Variants in TFDP2 observed in about 807,000 individuals in gnomAD.
The protein encoded by TFDP2 is transcription factor Dp-2, also known as transcription factor Dp-2 (E2F dimerization partner 2).
Under a neutral mutation model 59.3 loss-of-function variants are expected in TFDP2, and 17 were observed. That is an observed-to-expected ratio of 0.29 (90% CI 0.20 to 0.43). TFDP2 has a LOEUF of 0.43. Ranked by LOEUF, TFDP2 falls within the 20% of genes least tolerant of loss-of-function variation. The pLI, the probability that TFDP2 is intolerant of heterozygous loss-of-function variation, is 1.00. For synonymous variants in TFDP2, 180 were observed against 194.7 expected, an observed-to-expected ratio of 0.92 and a Z score of 0.63; for missense variants, 391 against 528.8, an observed-to-expected ratio of 0.74 and a Z score of 2.56.
At chr3:142,102,667 A>T (rs1225119093) in intron 1 of TFDP2, among the ~76,000 whole-genome samples, 1 of 152,242 alleles carries the variant, frequency 6.6e-6, no homozygotes, top group Non-Finnish European at 1.5e-5. Context: ...TAGTGAAAGA[A>T]ATATGGCATA....
At chr3:141,962,726 G>C (rs1026392004) in intron 10 of TFDP2, among the ~76,000 whole-genome samples, 1 of 152,202 alleles carries the variant, frequency 6.6e-6, no homozygotes, top group Non-Finnish European at 1.5e-5. Context: ...AACAGAGACC[G>C]GCAGGGGGCG....
chr3:142,115,131 T>G (rs1012232708), intron 1 of TFDP2, among the ~76,000 whole-genome samples: 1 of 152,132 alleles, frequency 6.6e-6, no homozygotes. Context: ...ACATTTATAT[T>G]TGTGTTCTTA....
intron 1 of TFDP2, among the ~76,000 whole-genome samples, chr3:142,125,652 G>C (rs1180195010): frequency 6.6e-6 from 1 of 152,160 alleles, no homozygotes; most frequent in African/African-American, 2.4e-5. Flanking sequence ...TATTGATATA[G>C]AGTGACCTCC....
At chr3:142,130,772 C>T (rs2062472034) in intron 1 of TFDP2, among the ~76,000 whole-genome samples, 1 of 151,968 alleles carries the variant, frequency 6.6e-6, no homozygotes, top group Non-Finnish European at 1.5e-5. Flanking sequence ...TTAAGATGGG[C>T]AGGGCGCGGT....
chr3:141,956,943 C>CG (rs545636049), intron 11 of TFDP2, among the ~76,000 whole-genome samples: 39 of 150,714 alleles, frequency 2.6e-4, no homozygotes, highest in South Asian at 2.6e-3. Flanking sequence ...CTGCCCCACC[C>CG]CCCCCACAAA....
At chr3:142,050,279 AT>A (rs201595395) in intron 3 of TFDP2, among the ~76,000 whole-genome samples, 1,756 of 146,364 alleles carry the variant, frequency 0.012, 39 homozygotes, top group African/African-American at 0.039. Flanking sequence ...AAAAAAAATA[AT>A]AAAAAAAAAA....
At chr3:142,044,897 T>A (rs1947251245) in intron 3 of TFDP2, among the ~76,000 whole-genome samples, 2 of 152,174 alleles carry the variant, frequency 1.3e-5, no homozygotes, top group South Asian at 4.1e-4. Flanking sequence ...AATTAGCTAA[T>A]TCATGAAGGC....
intron 3 of TFDP2, among the ~76,000 whole-genome samples, chr3:142,033,409 T>C (rs1038747294): frequency 1.3e-5 from 2 of 152,130 alleles, no homozygotes; most frequent in Admixed American, 6.5e-5. Context: ...CCAAATTTTT[T>C]TCAACATAGA....
At chr3:142,005,334 C>A in intron 4 of TFDP2, 107 bp downstream of exon 4, 1 of 898,400 alleles carries the variant, frequency 1.1e-6, no homozygotes. Flanking sequence ...CCACCTACCG[C>A]GCCTGGTTTA....
chr3:142,027,097 T>G (rs1045849001), intron 3 of TFDP2, among the ~76,000 whole-genome samples: 1 of 152,124 alleles, frequency 6.6e-6, no homozygotes, highest in Non-Finnish European at 1.5e-5. Context: ...CTCTATATTT[T>G]AGATGGCTTA....
intron 7 of TFDP2, among the ~76,000 whole-genome samples, chr3:141,975,829 G>T (rs1199441188): frequency 6.6e-6 from 1 of 152,032 alleles, no homozygotes; most frequent in African/African-American, 2.4e-5. Context: ...GTTGTTCAAA[G>T]CAGATTAAAT....
intron 8 of TFDP2, among the ~76,000 whole-genome samples, chr3:141,973,123 A>ATTTT (rs761950988): frequency 2.4e-3 from 141 of 58,004 alleles, no homozygotes; most frequent in Middle Eastern, 8.3e-3. Context: ...ATATATATAT[A>ATTTT]TTTTTTTTTT....
intron 3 of TFDP2, among the ~76,000 whole-genome samples, chr3:142,039,788 T>C (rs1946869772): frequency 6.6e-6 from 1 of 152,014 alleles, no homozygotes; most frequent in South Asian, 2.1e-4. Context: ...AGGATATGAA[T>C]AGAGACTCCC....
chr3:142,064,282 T>C (rs2060006423), intron 3 of TFDP2, among the ~76,000 whole-genome samples: 1 of 152,168 alleles, frequency 6.6e-6, no homozygotes, highest in African/African-American at 2.4e-5. Flanking sequence ...AAACATCAGC[T>C]TCTCCTGAGA....
intron 3 of TFDP2, among the ~76,000 whole-genome samples, chr3:142,061,280 A>G (rs1402406525): frequency 6.6e-6 from 1 of 152,236 alleles, no homozygotes; most frequent in African/African-American, 2.4e-5. Context: ...AAGGCTCTCA[A>G]TTCATTAATC....
At chr3:142,044,595 T>C (rs1488913983) in intron 3 of TFDP2, among the ~76,000 whole-genome samples, 1 of 152,130 alleles carries the variant, frequency 6.6e-6, no homozygotes, top group Non-Finnish European at 1.5e-5. Flanking sequence ...GGTCTCGAAC[T>C]CTTGACCTCA....
At chr3:142,092,395 T>C (rs2061024237) in intron 3 of TFDP2, among the ~76,000 whole-genome samples, 1 of 152,304 alleles carries the variant, frequency 6.6e-6, no homozygotes, top group East Asian at 1.9e-4. Context: ...GGCATGATTA[T>C]GGCTCACTGC....
intron 2 of TFDP2, among the ~76,000 whole-genome samples, chr3:142,094,816 CAATTT>C (rs1475415913): frequency 6.6e-6 from 1 of 152,076 alleles, no homozygotes; most frequent in African/African-American, 2.4e-5. Flanking sequence ...TGCGAAGATT[CAATTT>C]AAGATCTATC....
intron 9 of TFDP2, among the ~76,000 whole-genome samples, chr3:141,969,156 T>C: frequency 1.1e-5 from 1 of 90,796 alleles, no homozygotes; most frequent in East Asian, 2.7e-4. Context: ...ATATGAGATA[T>C]ATATATAACA....
Sources: allele counts gnomAD v4.1 joint callset (sites outside exome capture counted in the v4.1 genomes callset), GRCh38; gene constraint gnomAD v4.1.1; transcripts MANE v1.5; gene names NCBI Gene and HGNC (gene_info 2026-07-23, HGNC 2026-07-21).